The following NRAP variants were observed in gnomAD, a reference collection of about 807,000 sequenced individuals.
NRAP encodes the protein nebulin-related-anchoring protein.
A neutral mutation model predicts 225.9 loss-of-function variants in NRAP; 189 were observed. The observed-to-expected ratio is 0.84, with a 90% CI of 0.74 to 0.94. The LOEUF (loss-of-function observed/expected upper bound fraction) is 0.94. Ranked by LOEUF, NRAP falls within the 40% of genes least tolerant of loss-of-function variation. The pLI is 0.00. For missense variants in NRAP, 2,176 were observed against 2,168.7 expected, an observed-to-expected ratio of 1.00 and a Z score of -0.07; for synonymous variants, 769 against 790.7, an observed-to-expected ratio of 0.97 and a Z score of 0.46.
chr10:113,597,208 T>C, intron 36 of NRAP, 24 bp from the exon 37 acceptor site: 2 of 1,452,914 alleles, frequency 1.4e-6, no homozygotes, highest in African/African-American at 1.4e-5. Flanking sequence ...ACAAAGATTC[T>C]CATGAAACAC....
In NRAP at chr10:113,614,942, C is replaced by T. The variant is rs200591335; in HGVS notation, c.3083G>A (p.Arg1028His). ...AAGTTTGCTCCAGGATTCCTTATAA[C>T]GCGTCTGTCGGGAAGATGTGCACAA... is the stretch of plus-strand genomic sequence containing the variant. ...KLNAMNISET[R>H]YKESWSKLRD... Residue 1028 changes from arginine (R) to histidine (H), a missense_variant, in exon 28 of 42, where the codon CGT becomes CAT. Transcript: ENST00000359988. 4.0e-4 allele frequency: 641 copies of T among 1,584,846 alleles called. 3 individuals carry two copies. Among genetic ancestry groups the T allele is most frequent in the South Asian group, 3.5e-3 (320 of 90,640 alleles).
chr10:113,589,143 T>C (rs1592708524), intron 41 of NRAP, 64 bp from the exon 42 acceptor site: 1 of 1,351,294 alleles, frequency 7.4e-7, no homozygotes, highest in East Asian at 2.4e-5. Flanking sequence ...CCGGCCCCGG[T>C]TCCCACAGGA....
intron 3 of NRAP, among the ~76,000 whole-genome samples, chr10:113,661,109 A>C (rs1055082638): frequency 3.3e-5 from 5 of 152,188 alleles, no homozygotes; most frequent in Non-Finnish European, 7.3e-5. Flanking sequence ...GTCCTAAAAG[A>C]ATTAGGCTTC....
intron 9 of NRAP, among the ~76,000 whole-genome samples, chr10:113,647,228 A>T (rs750230137): frequency 6.6e-6 from 1 of 152,124 alleles, no homozygotes; most frequent in Non-Finnish European, 1.5e-5. Context: ...CCCAGCACAT[A>T]GTCAGCACCA....
Position 113,612,521 on chromosome 10 carries a change from G to A in NRAP, c.3301-90C>T, listed in dbSNP as rs1450930084. 6 of 1,061,672 alleles carry A rather than the reference G, an allele frequency of 5.7e-6. No individual in the cohort carries two copies. The East Asian group carries it at 1.5e-4, about 27-fold the overall frequency. The allele number at this position is 1,061,672 out of a possible 1,614,324, so 65.8% of individuals were successfully genotyped here. A position where few individuals can be genotyped will look rare whatever the true frequency, so the allele number is the denominator to read the frequency against. On this transcript the variant is annotated intron_variant, in intron 29 of 41. Coordinates refer to ENST00000359988, the MANE Select transcript of NRAP (RefSeq NM_198060.4). Reference sequence around the variant, plus strand: ...GAGGGCAACTGCAATGCAGTTGTCTGGAGGTAAGCCCAGGGGAAGTTCTTG... The same window carrying A: ...GAGGGCAACTGCAATGCAGTTGTCTAGAGGTAAGCCCAGGGGAAGTTCTTG...
chr10:113,643,137 A>G (rs1000697280), intron 11 of NRAP, 99 bp from the exon 12 acceptor site: 17 of 645,834 alleles, frequency 2.6e-5, no homozygotes, highest in Non-Finnish European at 4.2e-5. Flanking sequence ...AAAACTTTCA[A>G]CCCAAGATTT....
At chr10:113,606,315 A>G in intron 32 of NRAP, 33 bp from the exon 33 acceptor site, 3 of 1,324,326 alleles carry the variant, frequency 2.3e-6, no homozygotes, top group Non-Finnish European at 3.3e-6. Flanking sequence ...TAATAATGCA[A>G]GAGATAAGTG....
chr10:113,612,194 GAGA>G (rs1564714005), intron 30 of NRAP, 37 bp downstream of exon 30: 1 of 1,566,526 alleles, frequency 6.4e-7, no homozygotes, highest in Non-Finnish European at 8.8e-7. Context: ...GAGGTCCTAA[GAGA>G]AGAAGGGGCC....
intron 12 of NRAP, among the ~76,000 whole-genome samples, chr10:113,642,401 G>A (rs1680249247): frequency 6.6e-6 from 1 of 152,066 alleles, no homozygotes; most frequent in Non-Finnish European, 1.5e-5. Flanking sequence ...GTGCAACTAA[G>A]CAAAAGTAAA....
chr10:113,607,832 A>G (rs757218734), intron 32 of NRAP, among the ~76,000 whole-genome samples: 2 of 152,224 alleles, frequency 1.3e-5, no homozygotes, highest in Non-Finnish European at 2.9e-5. Flanking sequence ...TGAGGCTGGA[A>G]TGATAATTTT....
intron 11 of NRAP, 101 bp from the exon 12 acceptor site, chr10:113,643,139 C>A (rs1038992387): frequency 1.4e-5 from 9 of 636,740 alleles, no homozygotes; most frequent in Admixed American, 2.5e-5. Flanking sequence ...AACTTTCAAC[C>A]CAAGATTTTA....
intron 32 of NRAP, among the ~76,000 whole-genome samples, chr10:113,607,399 CAAAAAAAAAAAAAAAAAAAAAA>C (rs543627940): frequency 4.4e-4 from 30 of 68,604 alleles, no homozygotes; most frequent in African/African-American, 1.0e-3. Flanking sequence ...GAAACTCCGT[CAAAAAAAAAAAAAAAAAAAAAA>C]AAAAAAAAAA....
intron 35 of NRAP, among the ~76,000 whole-genome samples, chr10:113,603,365 T>C (rs1208283671): frequency 6.6e-6 from 1 of 151,938 alleles, no homozygotes; most frequent in African/African-American, 2.4e-5. Context: ...GGGAAGGACC[T>C]CCCTGAGGTA....
At chr10:113,660,089 A>T (rs959715992) in intron 3 of NRAP, among the ~76,000 whole-genome samples, 1 of 107,146 alleles carries the variant, frequency 9.3e-6, no homozygotes, top group Admixed American at 1.0e-4. Flanking sequence ...CACACACACC[A>T]TATACACATA....
At chr10:113,593,524 T>C (rs1465822500) in intron 38 of NRAP, among the ~76,000 whole-genome samples, 1 of 152,198 alleles carries the variant, frequency 6.6e-6, no homozygotes, top group Non-Finnish European at 1.5e-5. Context: ...AAACGTCTAC[T>C]GTGTTCTAGG....
intron 15 of NRAP, among the ~76,000 whole-genome samples, chr10:113,633,516 C>A (rs1008987323): frequency 6.6e-6 from 1 of 152,056 alleles, no homozygotes; most frequent in South Asian, 2.1e-4. Flanking sequence ...TTGTTATAGG[C>A]AGGGTAATTA....
intron 35 of NRAP, among the ~76,000 whole-genome samples, chr10:113,601,892 A>T (rs2133875589): frequency 6.6e-6 from 1 of 152,046 alleles, no homozygotes; most frequent in African/African-American, 2.4e-5. Flanking sequence ...CTTTCTTTTT[A>T]TTTTTTTGAG....
rs370693235 is a variant in NRAP, at chr10:113,645,891, G to C, written c.1044C>G (p.His348Gln). The change falls in exon 11 of 42, where the codon CAC becomes CAG. Residue 348 changes from histidine (H) to glutamine (Q), a missense_variant. By Grantham distance (24) the His-to-Gln change is conservative. Transcript: ENST00000359988. The stretch of plus-strand genomic sequence containing the variant: ...CCAAGTTGTCTTGAGCTGGAAGCGA[G>C]TGATAATGTGCAGCGCCTTTCATCT... The part of the protein sequence containing the change: ...FNKMKGAAHY[H>Q]SLPAQDNLVL... The C allele has an allele frequency of 5.0e-6, 8 of 1,610,862 alleles. No homozygotes were observed. The highest frequency in any genetic ancestry group is 6.8e-6 in the Non-Finnish European group (8 of 1,178,180).
chr10:113,653,199 A>G (rs557543403), intron 5 of NRAP, among the ~76,000 whole-genome samples, 160 bp from the exon 6 acceptor site: 29 of 152,376 alleles, frequency 1.9e-4, no homozygotes, highest in African/African-American at 6.7e-4. Context: ...GACCATTTGA[A>G]TAAAACCATC....
Sources: allele counts gnomAD v4.1 joint callset (sites outside exome capture counted in the v4.1 genomes callset), GRCh38; gene constraint gnomAD v4.1.1; transcripts MANE v1.5; gene names NCBI Gene and HGNC (gene_info 2026-07-23, HGNC 2026-07-21).